Variants in SLC25A35 observed in about 807,000 individuals in gnomAD.
SLC25A35 encodes solute carrier family 25 member 35, also known as solute carrier family 25, member 35.
In SLC25A35, 32 loss-of-function variants were observed where a neutral mutation model predicts 30.5. The ratio of observed to expected loss-of-function variants is 1.05; its 90% confidence interval spans 0.79 to 1.41. The LOEUF is 1.41. SLC25A35 is among the 40% of genes most tolerant of loss of function. The pLI, the probability that SLC25A35 is intolerant of heterozygous loss-of-function variation, is 0.00. For synonymous variants in SLC25A35, 142 were observed against 158.1 expected, an observed-to-expected ratio of 0.90 and a Z score of 0.77; for missense variants, 369 against 388.0, an observed-to-expected ratio of 0.95 and a Z score of 0.41.
chr17:8,288,480 G>A (rs1990218705), downstream of SLC25A35: 2 of 477,596 alleles, frequency 4.2e-6, no homozygotes, highest in Admixed American at 3.4e-5. Context: ...GCTGGCGGGA[G>A]CATGCTCGTG....
At chr17:8,289,776 G>A (rs1990336877), downstream of SLC25A35, 3 of 1,613,546 alleles carry the variant, frequency 1.9e-6, no homozygotes, top group Non-Finnish European at 2.5e-6. Flanking sequence ...CTCAGGCCTG[G>A]ATGATGTTCT....
At chr17:8,288,735 C>G, downstream of SLC25A35, 1 of 1,591,284 alleles carries the variant, frequency 6.3e-7, no homozygotes, top group Non-Finnish European at 8.6e-7. Flanking sequence ...GCCACGTGAC[C>G]CAATGTGGAC....
rs3033784 is a variant in SLC25A35 at position 8,293,915 on chromosome 17, C to CT, written c.375+517dup. 1.5e-3 allele frequency among the ~76,000 whole-genome samples: 201 copies of CT among 132,370 alleles called. 2 individuals carry two copies. In the East Asian group the frequency reaches 0.016, roughly 10 times the overall value. 86.8% of individuals were successfully genotyped at this position (132,370 alleles called of 152,430 possible). A position where few individuals can be genotyped will look rare whatever the true frequency, so the allele number is the denominator to read the frequency against. On this transcript the variant is annotated intron_variant, in intron 1 of 4. Coordinates refer to ENST00000577745, the MANE Select transcript of SLC25A35 (RefSeq NM_001320870.2). ...AAAGTCTGATTCCAAAGCCCATAATCTTTTTTTTTTTTTTTTGTGAGACGT... is the reference window on the plus strand; with the variant it reads ...AAAGTCTGATTCCAAAGCCCATAATCTTTTTTTTTTTTTTTTTGTGAGACGT...
At chr17:8,293,827 T>A (rs1351395906) in intron 1 of SLC25A35, among the ~76,000 whole-genome samples, 8 of 146,792 alleles carry the variant, frequency 5.4e-5, no homozygotes, top group East Asian at 4.2e-4. Flanking sequence ...CTGGGATTAC[T>A]GGCGTGAGCC....
chr17:8,288,646 G>A (rs1345611108), downstream of SLC25A35: 10 of 964,720 alleles, frequency 1.0e-5, no homozygotes, highest in Admixed American at 9.3e-5. Context: ...AGAGCGCAGG[G>A]CGGAGCCAAA....
At chr17:8,292,445 A>G in intron 2 of SLC25A35, 78 bp downstream of exon 2, 1 of 1,406,118 alleles carries the variant, frequency 7.1e-7, no homozygotes. Flanking sequence ...CTGGGATTGG[A>G]TCTGTTGGGT....
rs193041081 is a variant in SLC25A35, at chr17:8,290,665, C to T, written c.743G>A (p.Arg248Gln). 9.0e-5 allele frequency: 141 copies of T among 1,571,334 alleles called. No individual in the cohort carries two copies. In the African/African-American group the frequency reaches 9.3e-4, roughly 10 times the overall value. Reference protein sequence around the residue: ...TDAQGKGLMYRGILDALLQTA... With the variant: ...TDAQGKGLMYQGILDALLQTA... ...CTGCAGCAGAGCGTCCAGTATCCCC[C>T]GGTACATGAGGCCCTGAGAGTGTGT... is the stretch of plus-strand genomic sequence containing the variant. Residue 248 changes from arginine (R) to glutamine (Q), a missense_variant, in exon 5 of 5, where the codon CGG (arginine) becomes CAG (glutamine). Transcript: ENST00000577745.
In SLC25A35 at chr17:8,290,630, TCCG is replaced by T; in HGVS notation, c.775_777del (p.Arg259del). On this transcript the variant is annotated inframe_deletion, in exon 5 of 5. Coordinates refer to ENST00000577745, the MANE Select transcript of SLC25A35 (RefSeq NM_001320870.2). ...TTGTACATGCCAAAAATGCCCTCGG[TCCG>T]AGCTGTCTGCAGCAGAGCGTCCAGT... 1 of 1,541,678 alleles carries T rather than the reference TCCG, an allele frequency of 6.5e-7. No homozygotes were observed. The highest frequency in any genetic ancestry group is 8.7e-7 in the Non-Finnish European group (1 of 1,149,444).
chr17:8,291,428 G>A lies in SLC25A35; in HGVS notation c.499C>T (p.Arg167Cys), dbSNP rs1377903880. ...CGGGGCAGGCCGCCCAGAGCCCCAC[G>A]CCATAACCCCACCAGACCATGTTTC... is the stretch of plus-strand genomic sequence containing the variant. ...GQKHGLVGLWRGALGGLPRVI... is the reference protein window; with the variant it reads ...GQKHGLVGLWCGALGGLPRVI... The change falls in exon 3 of 5, where the codon CGT becomes TGT. Residue 167 changes from arginine to cysteine, a missense_variant. Arg to Cys is a radical substitution (Grantham distance 180, BLOSUM62 -3). Transcript: ENST00000577745. The A allele has an allele frequency of 3.1e-6, 5 of 1,614,166 alleles. No homozygotes were observed. The highest frequency in any genetic ancestry group is 2.7e-5 in the African/African-American group (2 of 75,056).
At chr17:8,288,685 C>T (rs994122803), downstream of SLC25A35, 30 of 1,316,204 alleles carry the variant, frequency 2.3e-5, no homozygotes, top group Admixed American at 1.0e-4. Context: ...CTAAGCCAGA[C>T]CCGGGTGGCG....
downstream of SLC25A35, chr17:8,289,953 C>A (rs1990353571): frequency 6.2e-7 from 1 of 1,613,912 alleles, no homozygotes; most frequent in Non-Finnish European, 8.5e-7. Flanking sequence ...TGAAGCACTG[C>A]ATGATGTTGC....
chr17:8,295,262 C>A lies in SLC25A35; in HGVS notation c.-455G>T, dbSNP rs1024218869. ...GCCGGTGATTTCCTCGAGCCAGCAA[C>A]GAGATCTCGATCCGAGAAAGAAGTC... On this transcript the variant is annotated 5_prime_UTR_variant, in exon 1 of 5. Transcript: ENST00000577745. The A allele has an allele frequency of 1.9e-5, 19 of 988,450 alleles. No individual in the cohort carries two copies. The highest frequency in any genetic ancestry group is 3.5e-5 in the African/African-American group (2 of 57,316). The allele number at this position is 988,450 out of a possible 1,614,324, so 61.2% of individuals were successfully genotyped here. A position where few individuals can be genotyped will look rare whatever the true frequency, so the allele number is the denominator to read the frequency against.
chr17:8,288,978 A>G (rs371105217), downstream of SLC25A35: 13 of 1,614,038 alleles, frequency 8.1e-6, no homozygotes, highest in African/African-American at 1.6e-4. Flanking sequence ...GGTCCCGGAC[A>G]ATCAAGAAGT....
At position 8,290,992 on chromosome 17, in the gene SLC25A35, G is replaced by A; in HGVS notation, c.595-16C>T. 6.2e-7 allele frequency: 1 copy of A among 1,613,784 alleles called. No homozygotes were observed. Among genetic ancestry groups the A allele is most frequent in the Non-Finnish European group, 8.5e-7 (1 of 1,179,866 alleles). ...GAGGAAAGATCTAAGGGGGTAGAGAGGAAGAGCGTTGTCAACCAGCCAACT... is the reference window on the plus strand; with the variant it reads ...GAGGAAAGATCTAAGGGGGTAGAGAAGAAGAGCGTTGTCAACCAGCCAACT... On this transcript the variant is annotated splice_polypyrimidine_tract_variant and intron_variant, in intron 3 of 4. Transcript: ENST00000577745.
Position 8,294,775 on chromosome 17 carries a change from G to A in SLC25A35, c.33C>T (p.Cys11=), listed in dbSNP as rs1990754529. ...GGGGATTGGTGAATACACAGGCCCC[G>A]CAGGCTGCCAGGCCACTCATCAAGA... MDFLMSGLAA[C]GACVFTNPLE... is the part of the protein sequence containing the mutation. The change falls in exon 1 of 5, where the codon TGC becomes TGT. Residue 11 remains cysteine, a synonymous_variant. Coordinates refer to ENST00000577745, the MANE Select transcript of SLC25A35 (RefSeq NM_001320870.2). 1 of 1,598,886 alleles carries A rather than the reference G, an allele frequency of 6.3e-7. No individual in the cohort carries two copies. The highest frequency in any genetic ancestry group is 8.5e-7 in the Non-Finnish European group (1 of 1,170,060).
chr17:8,289,596 G>A, downstream of SLC25A35: 1 of 1,611,408 alleles, frequency 6.2e-7, no homozygotes, highest in Non-Finnish European at 8.5e-7. Context: ...CCCGTAAGGA[G>A]GAAGGAACGG....
Position 8,290,414 on chromosome 17 carries a change from A to G in SLC25A35, c.*91T>C. ...TTGGCTGTCCCCCATGGATGGATGAAAGGTCACCTAATCAGTAGTCACCAG... is the reference window on the plus strand; with the variant it reads ...TTGGCTGTCCCCCATGGATGGATGAGAGGTCACCTAATCAGTAGTCACCAG... On this transcript the variant is annotated 3_prime_UTR_variant, in exon 5 of 5. Coordinates refer to ENST00000577745, the MANE Select transcript of SLC25A35 (RefSeq NM_001320870.2). 1 of 1,485,620 alleles carries G rather than the reference A, an allele frequency of 6.7e-7. No homozygotes were observed. The highest frequency in any genetic ancestry group is 2.5e-5 in the East Asian group (1 of 40,466). The allele number at this position is 1,485,620 out of a possible 1,614,324, so 92.0% of individuals were successfully genotyped here.
chr17:8,294,625 G>T lies in SLC25A35; in HGVS notation c.183C>A (p.Ala61=). ...GGGCGGGGGCCAGGCCTTTCTGCAGGGCAGCAAGGCCATCCACCTTGCCGA... is the reference window on the plus strand; with the variant it reads ...GGGCGGGGGCCAGGCCTTTCTGCAGTGCAGCAAGGCCATCCACCTTGCCGA... ...ITIGKVDGLA[A]LQKGLAPALL... The change falls in exon 1 of 5, where the codon GCC becomes GCA. Residue 61 remains alanine, a synonymous_variant. Coordinates refer to ENST00000577745, the MANE Select transcript of SLC25A35 (RefSeq NM_001320870.2). 1 of 1,614,184 alleles carries T rather than the reference G, an allele frequency of 6.2e-7. No homozygotes were observed. The highest frequency in any genetic ancestry group is 8.5e-7 in the Non-Finnish European group (1 of 1,180,032).
downstream of SLC25A35, chr17:8,288,407 T>G: frequency 3.0e-6 from 1 of 334,372 alleles, no homozygotes; most frequent in Non-Finnish European, 5.8e-6. Flanking sequence ...CGCCACTGCA[T>G]TACAGCCTGG....
Sources: allele counts gnomAD v4.1 joint callset (sites outside exome capture counted in the v4.1 genomes callset), GRCh38; gene constraint gnomAD v4.1.1; transcripts MANE v1.5; gene names NCBI Gene and HGNC (gene_info 2026-07-23, HGNC 2026-07-21).